CDH4: variants seen among roughly 807,000 people sequenced by gnomAD.
CDH4 encodes the protein cadherin 4, also known as cadherin-4.
CDH4 carries 33 observed loss-of-function variants against 86.0 expected under a neutral mutation model. The ratio of observed to expected loss-of-function variants is 0.38; its 90% CI spans 0.29 to 0.51. CDH4 has a LOEUF of 0.51. CDH4 is among the 20% of genes least tolerant of loss of function. The pLI, the probability that CDH4 is intolerant of heterozygous loss-of-function variation, is 0.86. For synonymous variants in CDH4, 555 were observed against 549.4 expected, an observed-to-expected ratio of 1.01 and a Z score of -0.14; for missense variants, 1,114 against 1,307.4, an observed-to-expected ratio of 0.85 and a Z score of 2.28.
At chr20:61,401,104 C>T (rs553934570) in intron 2 of CDH4, among the ~76,000 whole-genome samples, 27 of 152,198 alleles carry the variant, frequency 1.8e-4, no homozygotes, top group Non-Finnish European at 3.8e-4. Flanking sequence ...GCCTCATGCT[C>T]ATCACTGGGC....
In CDH4 at chr20:61,620,514, GTACATACATACA is replaced by G. The variant is rs372057931; in HGVS notation, c.170-123039_170-123028del. 2.7e-3 allele frequency among the ~76,000 whole-genome samples: 410 copies of G among 149,348 alleles called. 2 individuals carry two copies. Among genetic ancestry groups the G allele is most frequent in the African/African-American group, 9.7e-3 (380 of 39,042 alleles). Reference sequence around the variant, plus strand: ...TGGATGGATGATAGATGATAGATTCGTACATACATACATACATACATGATAGATAGGCAGAGA... The same window carrying G: ...TGGATGGATGATAGATGATAGATTCGTACATACATGATAGATAGGCAGAGA... On this transcript the variant is annotated intron_variant, in intron 2 of 15. Transcript: ENST00000614565.
chr20:61,254,386 G>A (rs1401151890), intron 1 of CDH4, among the ~76,000 whole-genome samples: 2 of 152,320 alleles, frequency 1.3e-5, no homozygotes, highest in East Asian at 1.9e-4. Context: ...TGCCTCCTCC[G>A]CCTTACCAAG....
intron 2 of CDH4, among the ~76,000 whole-genome samples, chr20:61,340,283 G>GT (rs2084643266): frequency 6.6e-6 from 1 of 152,194 alleles, no homozygotes; most frequent in African/African-American, 2.4e-5. Flanking sequence ...AGGGCACCAG[G>GT]GAGATGGTGT....
chr20:61,524,484 T>G (rs1367701935), intron 2 of CDH4, among the ~76,000 whole-genome samples: 1 of 148,640 alleles, frequency 6.7e-6, no homozygotes, highest in Non-Finnish European at 1.5e-5. Flanking sequence ...CTATGAATAT[T>G]ACACTTTTTT....
chr20:61,375,741 G>A (rs1159114330), intron 2 of CDH4, among the ~76,000 whole-genome samples: 1 of 143,408 alleles, frequency 7.0e-6, no homozygotes, highest in Non-Finnish European at 1.6e-5. Context: ...TGATGGTCTT[G>A]GTGGTGGTGA....
intron 2 of CDH4, among the ~76,000 whole-genome samples, chr20:61,660,618 C>A (rs1323292870): frequency 6.6e-6 from 1 of 152,100 alleles, no homozygotes; most frequent in Non-Finnish European, 1.5e-5. Context: ...GCGGTCGTTC[C>A]CGGCAGGACC....
At chr20:61,916,597 A>G (rs796407132) in intron 9 of CDH4, among the ~76,000 whole-genome samples, 9 of 152,296 alleles carry the variant, frequency 5.9e-5, no homozygotes, top group African/African-American at 2.2e-4. Context: ...GCTCCTGATC[A>G]TTCTCCCTGC....
chr20:61,833,865 A>G (rs1981738234), intron 4 of CDH4, among the ~76,000 whole-genome samples: 2 of 152,288 alleles, frequency 1.3e-5, no homozygotes, highest in South Asian at 2.1e-4. Flanking sequence ...AGATAAAACC[A>G]TTTCCCAAAG....
intron 2 of CDH4, among the ~76,000 whole-genome samples, chr20:61,450,589 T>TA (rs2085373947): frequency 6.6e-6 from 1 of 152,016 alleles, no homozygotes; most frequent in Non-Finnish European, 1.5e-5. Context: ...GTTTTGCAAA[T>TA]ACGTTTGAGG....
At chr20:61,256,715 C>T (rs186985908) in intron 2 of CDH4, among the ~76,000 whole-genome samples, 97 of 152,270 alleles carry the variant, frequency 6.4e-4, no homozygotes, top group Middle Eastern at 3.4e-3. Context: ...GCAGCCCAGC[C>T]CAGGGCTGGT....
chr20:61,640,163 C>T (rs1049868349), intron 2 of CDH4, among the ~76,000 whole-genome samples: 2 of 152,172 alleles, frequency 1.3e-5, no homozygotes, highest in African/African-American at 2.4e-5. Flanking sequence ...TGGAGGAAGG[C>T]GTGCGCTCAA....
intron 2 of CDH4, among the ~76,000 whole-genome samples, chr20:61,551,133 A>G (rs1406201953): frequency 2.0e-5 from 3 of 152,242 alleles, no homozygotes; most frequent in African/African-American, 4.8e-5. Flanking sequence ...AAGAATGTCT[A>G]TGAAGCACTT....
intron 2 of CDH4, among the ~76,000 whole-genome samples, chr20:61,413,543 C>A (rs1477907675): frequency 6.6e-6 from 1 of 152,200 alleles, no homozygotes; most frequent in East Asian, 1.9e-4. Flanking sequence ...GGATGGCATG[C>A]TGTGTGTCTT....
intron 2 of CDH4, among the ~76,000 whole-genome samples, chr20:61,715,187 GT>G (rs1173710831): frequency 6.6e-6 from 1 of 152,156 alleles, no homozygotes; most frequent in Non-Finnish European, 1.5e-5. Flanking sequence ...TCCTATATGT[GT>G]TGGTCATTTG....
At chr20:61,743,281 G>A (rs557074692) in intron 2 of CDH4, among the ~76,000 whole-genome samples, 2 of 152,360 alleles carry the variant, frequency 1.3e-5, no homozygotes, top group East Asian at 1.9e-4. Flanking sequence ...AGATAACAGC[G>A]GCAAGGGAGA....
chr20:61,899,161 C>T (rs1031997301), intron 8 of CDH4, among the ~76,000 whole-genome samples: 6 of 151,818 alleles, frequency 4.0e-5, no homozygotes, highest in East Asian at 2.0e-4. Flanking sequence ...AAAAATTAGC[C>T]GGGTGTGGTG....
chr20:61,821,828 C>T (rs531033883), intron 4 of CDH4, among the ~76,000 whole-genome samples: 8 of 152,332 alleles, frequency 5.3e-5, no homozygotes, highest in African/African-American at 1.7e-4. Flanking sequence ...ACCATGTACC[C>T]GAGAGAGATG....
At chr20:61,857,138 C>T (rs1983054465) in intron 6 of CDH4, among the ~76,000 whole-genome samples, 2 of 152,278 alleles carry the variant, frequency 1.3e-5, no homozygotes, top group African/African-American at 4.8e-5. Flanking sequence ...CCCCCATACC[C>T]CTCCCCGGGG....
At chr20:61,680,013 G>T (rs2087492942) in intron 2 of CDH4, among the ~76,000 whole-genome samples, 1 of 152,310 alleles carries the variant, frequency 6.6e-6, no homozygotes, top group South Asian at 2.1e-4. Context: ...CCAGGAAGCT[G>T]AGGAGCCTGT....
Sources: allele counts gnomAD v4.1 joint callset (sites outside exome capture counted in the v4.1 genomes callset), GRCh38; gene constraint gnomAD v4.1.1; transcripts MANE v1.5; gene names NCBI Gene and HGNC (gene_info 2026-07-23, HGNC 2026-07-21).